Variants in YAF2 observed in about 807,000 individuals in gnomAD.
YAF2 encodes YY1 associated factor 2, also known as YY1-associated factor 2.
YAF2 carries 7 observed loss-of-function variants against 20.1 expected under a neutral mutation model. That is an observed-to-expected ratio of 0.35 (90% CI 0.20 to 0.65). YAF2 has a LOEUF of 0.65. Among genes scored for constraint, YAF2 ranks in the 30% least tolerant of loss-of-function variants. The probability of loss-of-function intolerance (pLI) is 0.69; values close to 1 mark genes in which losing one functional copy is unlikely to be tolerated. For synonymous variants in YAF2, 74 were observed against 76.0 expected, an observed-to-expected ratio of 0.97 and a Z score of 0.14; for missense variants, 151 against 219.2, an observed-to-expected ratio of 0.69 and a Z score of 1.96.
At chr12:42,167,832 CCT>C (rs2065951637) in intron 2 of YAF2, among the ~76,000 whole-genome samples, 1 of 152,068 alleles carries the variant, frequency 6.6e-6, no homozygotes, top group Non-Finnish European at 1.5e-5. Flanking sequence ...ATGGCAAAAC[CCT>C]GTCTCTATAA....
chr12:42,183,440 G>C (rs1440371032), intron 2 of YAF2, among the ~76,000 whole-genome samples: 1 of 152,176 alleles, frequency 6.6e-6, no homozygotes, highest in Non-Finnish European at 1.5e-5. Flanking sequence ...AAGAAAAGCT[G>C]TCGAAGGAAA....
Position 42,209,563 on chromosome 12 carries a change from C to CAA in YAF2, c.152+28034_152+28035dup, listed in dbSNP as rs71084623. Reference sequence around the variant, plus strand: ...TGGGCGATAGAGCCAGACTTTGTCTCAAAAAAAAAAAAAAAAAAAAAAAAA... The same window carrying CAA: ...TGGGCGATAGAGCCAGACTTTGTCTCAAAAAAAAAAAAAAAAAAAAAAAAAAA... On this transcript the variant is annotated intron_variant, in intron 2 of 3. Coordinates refer to ENST00000534854, the MANE Select transcript of YAF2 (RefSeq NM_005748.6). Among the ~76,000 whole-genome samples the CAA allele has an allele frequency of 2.9e-3, 80 of 27,734 alleles. 3 individuals carry two copies. The highest frequency in any genetic ancestry group is 8.5e-3 in the East Asian group (9 of 1,064). The allele number at this position is 27,734 out of a possible 152,430, so 18.2% of individuals were successfully genotyped here.
At chr12:42,233,109 G>A (rs2068031562) in intron 2 of YAF2, 10 of 985,226 alleles carry the variant, frequency 1.0e-5, no homozygotes, top group Admixed American at 6.2e-5. Flanking sequence ...GCTGAATATT[G>A]AAATGGTTGA....
At chr12:42,235,866 C>T in intron 2 of YAF2, 1 of 1,536,120 alleles carries the variant, frequency 6.5e-7, no homozygotes, top group East Asian at 2.4e-5. Context: ...ATTCCTTCTT[C>T]TTCCAGGTGC....
rs776564080 is a variant in YAF2 at position 42,161,661 on chromosome 12, T to G, written c.257A>C (p.Lys86Thr). Residue 86 changes from lysine to threonine, a missense_variant, in exon 3 of 4, where the codon AAA becomes ACA. Lys to Thr is a moderately conservative substitution (Grantham distance 78). Transcript: ENST00000534854. ...TTTGCTAGTTGTTTCCTTTTCACTT[T>G]TTTCTTTTTCTACTTTATCTTTTTT... is the stretch of plus-strand genomic sequence containing the variant. The part of the protein sequence containing the change: ...KEKKDKVEKE[K>T]SEKETTSKKN... 1.2e-5 allele frequency: 19 copies of G among 1,606,542 alleles called. No homozygotes were observed. Among genetic ancestry groups the G allele is most frequent in the Non-Finnish European group, 1.6e-5 (19 of 1,177,566 alleles).
intron 2 of YAF2, among the ~76,000 whole-genome samples, chr12:42,207,837 G>A (rs1300332422): frequency 1.3e-5 from 2 of 152,150 alleles, no homozygotes; most frequent in Non-Finnish European, 2.9e-5. Flanking sequence ...CTTGCAGTGA[G>A]CCGAGATCGT....
chr12:42,232,284 G>C (rs1019344729), intron 2 of YAF2: 15 of 422,342 alleles, frequency 3.6e-5, no homozygotes, highest in Non-Finnish European at 4.4e-5. Flanking sequence ...CACTGCCTCT[G>C]CACCATCACA....
In YAF2 at chr12:42,157,621, A is replaced by C. The variant is rs139827747; in HGVS notation, c.*2968T>G. 1.3e-5 allele frequency: 2 copies of C among 152,334 alleles called. No individual in the cohort carries two copies. Among genetic ancestry groups the C allele is most frequent in the East Asian group, 1.9e-4 (1 of 5,192 alleles). 9.4% of individuals were successfully genotyped at this position (152,334 alleles called of 1,614,324 possible). A position where few individuals can be genotyped will look rare whatever the true frequency, so the allele number is the denominator to read the frequency against. On this transcript the variant is annotated 3_prime_UTR_variant, in exon 4 of 4. Transcript: ENST00000534854. ...CATGCTATCAACTTAGAAAGGCTGA[A>C]GTTTCTCTTCCTTTTTAAATGTTTT...
Position 42,232,216 on chromosome 12 carries a change from G to A in YAF2, c.152+5383C>T, listed in dbSNP as rs1300147184. On this transcript the variant is annotated intron_variant, in intron 2 of 3. Transcript: ENST00000534854. ...ACATGGTGGTGAATATTACAATGAA[G>A]ATAGCAATTTGGTGCCACTGCTTTG... 9.6e-5 allele frequency: 15 copies of A among 156,854 alleles called. No individual in the cohort carries two copies. In the Admixed American group the frequency reaches 9.8e-4, roughly 10 times the overall value. 9.7% of individuals were successfully genotyped at this position (156,854 alleles called of 1,614,324 possible). A position where few individuals can be genotyped will look rare whatever the true frequency, so the allele number is the denominator to read the frequency against.
chr12:42,193,056 G>A (rs868584268), intron 2 of YAF2, among the ~76,000 whole-genome samples: 1 of 152,294 alleles, frequency 6.6e-6, no homozygotes, highest in Middle Eastern at 3.4e-3. Context: ...GCTCACACCT[G>A]TAATCCCAGC....
At chr12:42,161,147 T>A (rs1379770145) in intron 3 of YAF2, 2 of 322,270 alleles carry the variant, frequency 6.2e-6, no homozygotes, top group African/African-American at 4.4e-5. Context: ...AATGAAATAG[T>A]TGCACCATGG....
chr12:42,179,582 G>A (rs2066287240), intron 2 of YAF2, among the ~76,000 whole-genome samples: 1 of 151,988 alleles, frequency 6.6e-6, no homozygotes, highest in Non-Finnish European at 1.5e-5. Flanking sequence ...TTGAGCTCAG[G>A]AGTTTGAGAC....
intron 2 of YAF2, among the ~76,000 whole-genome samples, chr12:42,193,444 T>C (rs2066668795): frequency 1.3e-5 from 2 of 152,174 alleles, no homozygotes; most frequent in South Asian, 2.1e-4. Context: ...GTGTATTCCT[T>C]GTATTTATAA....
chr12:42,181,584 T>C (rs2066343323), intron 2 of YAF2, among the ~76,000 whole-genome samples: 1 of 152,240 alleles, frequency 6.6e-6, no homozygotes, highest in African/African-American at 2.4e-5. Flanking sequence ...GGTAGCCTGG[T>C]ATAATCATAA....
chr12:42,219,881 G>A (rs997397854), intron 2 of YAF2, among the ~76,000 whole-genome samples: 1 of 152,182 alleles, frequency 6.6e-6, no homozygotes, highest in African/African-American at 2.4e-5. Context: ...CCACTGGTCT[G>A]TGGACCACAC....
At chr12:42,191,701 T>C (rs937034682) in intron 2 of YAF2, among the ~76,000 whole-genome samples, 1 of 152,182 alleles carries the variant, frequency 6.6e-6, no homozygotes, top group Non-Finnish European at 1.5e-5. Flanking sequence ...AAAAATTAGC[T>C]ACATATATAT....
intron 2 of YAF2, among the ~76,000 whole-genome samples, chr12:42,188,484 C>G (rs1040007092): frequency 3.3e-5 from 5 of 150,588 alleles, no homozygotes; most frequent in African/African-American, 4.9e-5. Context: ...CTCTCGGGCT[C>G]AAGCAATTCT....
At chr12:42,224,838 C>G (rs900776490) in intron 2 of YAF2, among the ~76,000 whole-genome samples, 2 of 152,120 alleles carry the variant, frequency 1.3e-5, no homozygotes, top group African/African-American at 4.8e-5. Flanking sequence ...AATAAACATA[C>G]GTGTGCATGT....
intron 1 of YAF2, 165 bp from the exon 2 acceptor site, chr12:42,237,889 G>A: frequency 4.9e-6 from 3 of 615,842 alleles, no homozygotes; most frequent in Non-Finnish European, 6.1e-6. Flanking sequence ...AAGGGAGTCA[G>A]GAAGAGGCAG....
Sources: gnomAD v4.1 joint callset for allele counts (sites outside exome capture counted in the v4.1 genomes callset) on GRCh38, gnomAD v4.1.1 for gene constraint, MANE v1.5 for transcripts, NCBI Gene and HGNC (gene_info 2026-07-23, HGNC 2026-07-21) for gene names.